The following DGKB variants were observed in gnomAD, a reference collection of about 807,000 sequenced individuals.
DGKB encodes the protein 90 kDa diacylglycerol kinase.
Under a neutral mutation model 114.3 loss-of-function variants are expected in DGKB, and 67 were observed. The observed-to-expected ratio is 0.59, with a 90% CI of 0.48 to 0.72. The LOEUF is 0.72. DGKB is among the 30% of genes least tolerant of loss of function. DGKB has a pLI of 0.00. For synonymous variants in DGKB, 398 were observed against 323.1 expected (o/e 1.23, Z -2.49); for missense variants, 907 against 975.2 (o/e 0.93, Z 0.93).
intron 23 of DGKB, among the ~76,000 whole-genome samples, chr7:14,211,217 A>T (rs1441772163): frequency 6.6e-6 from 1 of 152,066 alleles, no homozygotes; most frequent in Non-Finnish European, 1.5e-5. Context: ...CATCATCCTA[A>T]TAGCTATTCC....
chr7:14,646,386 T>C (rs185826214), intron 13 of DGKB, among the ~76,000 whole-genome samples: 32 of 152,196 alleles, frequency 2.1e-4, no homozygotes, highest in African/African-American at 7.2e-4. Context: ...CATAATACAA[T>C]AATAGCTAGG....
chr7:14,301,229 A>C (rs1803487912), intron 23 of DGKB, among the ~76,000 whole-genome samples: 1 of 152,148 alleles, frequency 6.6e-6, no homozygotes, highest in Non-Finnish European at 1.5e-5. Context: ...TAAAATGTTA[A>C]ACAATAACAC....
intron 5 of DGKB, among the ~76,000 whole-genome samples, chr7:14,733,264 A>C (rs1831178133): frequency 6.6e-6 from 1 of 152,246 alleles, no homozygotes; most frequent in Non-Finnish European, 1.5e-5. Context: ...TTTTCTAAGA[A>C]GAGAAAAATG....
intron 9 of DGKB, among the ~76,000 whole-genome samples, chr7:14,689,199 A>ATTTTTTTTT (rs551618345): frequency 0.017 from 1,295 of 76,466 alleles, 247 homozygotes; most frequent in Non-Finnish European, 0.019. Context: ...AACTCCTCTT[A>ATTTTTTTTT]TTTTTTTTTT....
At chr7:14,464,577 A>G (rs1474271101) in intron 21 of DGKB, among the ~76,000 whole-genome samples, 1 of 152,246 alleles carries the variant, frequency 6.6e-6, no homozygotes, top group African/African-American at 2.4e-5. Context: ...ATGTACATGT[A>G]AAGATTTATT....
chr7:14,857,258 T>TTGTGTGTGGGTGTGTGTGTGTG (rs1850301651), intron 1 of DGKB, among the ~76,000 whole-genome samples: 1 of 138,262 alleles, frequency 7.2e-6, no homozygotes, highest in African/African-American at 2.7e-5. Flanking sequence ...CTGTGTGTGT[T>TTGTGTGTGGGTGTGTGTGTGTG]TGTGTGTGTG....
At chr7:14,791,831 A>C (rs187491743) in intron 2 of DGKB, among the ~76,000 whole-genome samples, 1 of 152,236 alleles carries the variant, frequency 6.6e-6, no homozygotes, top group African/African-American at 2.4e-5. Flanking sequence ...TAGGGATTTT[A>C]TTACATCTTT....
At chr7:14,579,091 T>C (rs1018866806) in intron 19 of DGKB, among the ~76,000 whole-genome samples, 3 of 152,194 alleles carry the variant, frequency 2.0e-5, no homozygotes, top group African/African-American at 7.2e-5. Context: ...TCTAGCTAGA[T>C]AGTTCATCTC....
chr7:14,313,250 C>T (rs1177549963), intron 23 of DGKB, among the ~76,000 whole-genome samples: 1 of 151,696 alleles, frequency 6.6e-6, no homozygotes, highest in Non-Finnish European at 1.5e-5. Context: ...TCAATTAAAA[C>T]AACATATTGC....
intron 1 of DGKB, among the ~76,000 whole-genome samples, chr7:14,868,633 T>C (rs1424086463): frequency 1.3e-5 from 2 of 152,144 alleles, no homozygotes; most frequent in Non-Finnish European, 2.9e-5. Context: ...CAATTTCTTC[T>C]CACTTCTTCC....
chr7:14,740,924 C>G (rs545777634), intron 4 of DGKB, among the ~76,000 whole-genome samples: 1 of 152,276 alleles, frequency 6.6e-6, no homozygotes, highest in East Asian at 1.9e-4. Context: ...TTCTCTCTCT[C>G]ATGTACCCTG....
At chr7:14,814,675 G>A (rs532570641) in intron 2 of DGKB, among the ~76,000 whole-genome samples, 1 of 152,206 alleles carries the variant, frequency 6.6e-6, no homozygotes, top group African/African-American at 2.4e-5. Flanking sequence ...ACTGACAAAC[G>A]TTATTTTTCT....
chr7:14,392,995 G>GTTTTTTTGTTTTTTTTTTTTTTTTTTTT lies in DGKB; in HGVS notation c.1836-47605_1836-47604insAAAAAAAAAAAAAAAAAAAACAAAAAAA, dbSNP rs1554404750. Among the ~76,000 whole-genome samples the GTTTTTTTGTTTTTTTTTTTTTTTTTTTT allele has an allele frequency of 9.9e-5, 6 of 60,548 alleles. 1 individual carries two copies. Among genetic ancestry groups the GTTTTTTTGTTTTTTTTTTTTTTTTTTTT allele is most frequent in the East Asian group, 1.1e-3 (2 of 1,886 alleles). The allele number at this position is 60,548 out of a possible 152,430, so 39.7% of individuals were successfully genotyped here. A position where few individuals can be genotyped will look rare whatever the true frequency, so the allele number is the denominator to read the frequency against. On this transcript the variant is annotated intron_variant, in intron 21 of 25. Coordinates refer to ENST00000402815, the MANE Select transcript of DGKB (RefSeq NM_001350709.2). ...CAAAACAGACCTGTTTTTTGTTTTT[G>GTTTTTTTGTTTTTTTTTTTTTTTTTTTT]TTTTTTTTTTTTTGAGACGGAGTCT...
At chr7:14,674,290 C>T (rs1819491929) in intron 12 of DGKB, among the ~76,000 whole-genome samples, 1 of 152,104 alleles carries the variant, frequency 6.6e-6, no homozygotes, top group African/African-American at 2.4e-5. Context: ...TTGTATTAGG[C>T]ACTACTGGTC....
At chr7:14,500,091 T>A (rs1419693519) in intron 20 of DGKB, among the ~76,000 whole-genome samples, 1 of 151,894 alleles carries the variant, frequency 6.6e-6, no homozygotes, top group Non-Finnish European at 1.5e-5. Context: ...ACTTTACATA[T>A]TTTTATGTTC....
In DGKB at chr7:14,685,368, TG is replaced by T. The variant is rs766636667; in HGVS notation, c.712-7del. On this transcript the variant is annotated splice_region_variant and splice_polypyrimidine_tract_variant and intron_variant, in intron 9 of 25. Transcript: ENST00000402815. ...TGTCCATCATCCTTCACGTTCTGCA[TG>T]GGACGTAAGAGAAACAGATTTCACT... 4.4e-6 allele frequency: 7 copies of T among 1,599,772 alleles called. No homozygotes were observed. The highest frequency in any genetic ancestry group is 6.0e-6 in the Non-Finnish European group (7 of 1,167,232).
intron 2 of DGKB, among the ~76,000 whole-genome samples, chr7:14,786,677 G>T (rs1278000045): frequency 6.6e-6 from 1 of 152,244 alleles, no homozygotes; most frequent in East Asian, 1.9e-4. Context: ...TCCGAGCAAA[G>T]TTGTGGCTGA....
At chr7:14,539,400 T>C (rs1249171114) in intron 20 of DGKB, among the ~76,000 whole-genome samples, 1 of 152,126 alleles carries the variant, frequency 6.6e-6, no homozygotes, top group East Asian at 1.9e-4. Context: ...ACATGAAGTA[T>C]TGTAAAGATG....
At chr7:14,643,740 C>A (rs1218464731) in intron 13 of DGKB, among the ~76,000 whole-genome samples, 1 of 152,178 alleles carries the variant, frequency 6.6e-6, no homozygotes, top group Non-Finnish European at 1.5e-5. Flanking sequence ...CCCCCTCTAG[C>A]AGTGGGGCCA....
Sources: allele counts gnomAD v4.1 joint callset (sites outside exome capture counted in the v4.1 genomes callset), GRCh38; gene constraint gnomAD v4.1.1; transcripts MANE v1.5; gene names NCBI Gene and HGNC (gene_info 2026-07-23, HGNC 2026-07-21).